The following LRRIQ3 variants were observed in gnomAD, a reference collection of about 807,000 sequenced individuals.
LRRIQ3 encodes leucine rich repeats and IQ motif containing 3.
Under a neutral mutation model 59.3 loss-of-function variants are expected in LRRIQ3, and 75 were observed. The observed-to-expected ratio is 1.26, with a 90% CI of 1.05 to 1.53. The LOEUF (loss-of-function observed/expected upper bound fraction) is 1.53, where lower values mean the gene tolerates loss of function less well. Among genes scored for constraint, LRRIQ3 ranks in the 40% most tolerant of loss-of-function variants. LRRIQ3 has a pLI of 0.00. For synonymous variants in LRRIQ3, 250 were observed against 231.3 expected, an observed-to-expected ratio of 1.08 and a Z score of -0.73; for missense variants, 831 against 710.0, an observed-to-expected ratio of 1.17 and a Z score of -1.94.
intron 6 of LRRIQ3, among the ~76,000 whole-genome samples, chr1:74,045,848 C>T (rs1486829171): frequency 6.6e-6 from 1 of 152,032 alleles, no homozygotes; most frequent in African/African-American, 2.4e-5. Flanking sequence ...GAGTGAACTC[C>T]CATTTACAAC....
intron 5 of LRRIQ3, among the ~76,000 whole-genome samples, chr1:74,092,504 T>C (rs1184849451): frequency 2.0e-5 from 3 of 152,008 alleles, no homozygotes; most frequent in Non-Finnish European, 2.9e-5. Flanking sequence ...ACCCTTGTTA[T>C]TATGGCTTCA....
intron 5 of LRRIQ3, chr1:74,081,974 T>C (rs891543007): frequency 6.6e-6 from 1 of 151,514 alleles, no homozygotes; most frequent in Non-Finnish European, 1.5e-5. Context: ...TATCTTGATA[T>C]TTCCGCACCA....
chr1:74,163,157 C>T (rs1299068409), intron 3 of LRRIQ3, among the ~76,000 whole-genome samples: 8 of 151,466 alleles, frequency 5.3e-5, no homozygotes, highest in African/African-American at 9.7e-5. Context: ...ATTTGGCACA[C>T]ATTTTCTCAG....
chr1:74,132,894 C>T (rs1320646978), intron 4 of LRRIQ3, among the ~76,000 whole-genome samples: 1 of 152,096 alleles, frequency 6.6e-6, no homozygotes, highest in African/African-American at 2.4e-5. Flanking sequence ...AACTTCTGCA[C>T]AGCAAAAGAA....
At chr1:74,129,039 C>G (rs1236047626) in intron 4 of LRRIQ3, among the ~76,000 whole-genome samples, 4 of 152,070 alleles carry the variant, frequency 2.6e-5, no homozygotes, top group Non-Finnish European at 5.9e-5. Context: ...ACCACTGGAA[C>G]TGTGCTAGGT....
chr1:74,162,347 A>G (rs1157250882), intron 3 of LRRIQ3, among the ~76,000 whole-genome samples: 1 of 151,862 alleles, frequency 6.6e-6, no homozygotes, highest in Admixed American at 6.6e-5. Flanking sequence ...AATGTTTTCA[A>G]TCCAATCAAA....
At chr1:74,106,963 C>T (rs1646623917) in intron 5 of LRRIQ3, among the ~76,000 whole-genome samples, 1 of 152,052 alleles carries the variant, frequency 6.6e-6, no homozygotes, top group South Asian at 2.1e-4. Context: ...TCCTCCATTT[C>T]TTCTATTCTG....
chr1:74,065,833 G>A (rs1202914945), intron 6 of LRRIQ3, among the ~76,000 whole-genome samples: 1 of 152,036 alleles, frequency 6.6e-6, no homozygotes, highest in Non-Finnish European at 1.5e-5. Flanking sequence ...CCCTTAAAAA[G>A]CTAAGTTCAG....
chr1:74,063,070 A>AAAACG (rs1297905536), intron 6 of LRRIQ3, among the ~76,000 whole-genome samples: 1 of 150,902 alleles, frequency 6.6e-6, no homozygotes, highest in East Asian at 2.0e-4. Flanking sequence ...AAAGCAAAAC[A>AAAACG]AAACAAAAAA....
At chr1:74,147,508 T>C (rs1647653409) in intron 4 of LRRIQ3, among the ~76,000 whole-genome samples, 1 of 152,220 alleles carries the variant, frequency 6.6e-6, no homozygotes, top group Non-Finnish European at 1.5e-5. Flanking sequence ...ATAATGATTT[T>C]ATGTCAAAAT....
At chr1:74,122,627 C>T (rs565740519) in intron 4 of LRRIQ3, among the ~76,000 whole-genome samples, 145 of 152,024 alleles carry the variant, frequency 9.5e-4, no homozygotes, top group African/African-American at 3.1e-3. Flanking sequence ...GCTAGCCATA[C>T]GTAGAAAGCT....
chr1:74,103,412 C>A (rs1236293501), intron 5 of LRRIQ3, among the ~76,000 whole-genome samples: 3 of 151,758 alleles, frequency 2.0e-5, no homozygotes, highest in Non-Finnish European at 2.9e-5. Flanking sequence ...TATACAATAA[C>A]AAAGGACAAT....
chr1:74,111,262 T>G (rs1316285288), intron 4 of LRRIQ3, among the ~76,000 whole-genome samples: 1 of 151,966 alleles, frequency 6.6e-6, no homozygotes, highest in South Asian at 2.1e-4. Context: ...TAGAGACAGA[T>G]AGTATATAAA....
chr1:74,027,672 A>G (rs1569986403), intron 7 of LRRIQ3, among the ~76,000 whole-genome samples: 1 of 152,052 alleles, frequency 6.6e-6, no homozygotes, highest in Non-Finnish European at 1.5e-5. Flanking sequence ...GTAGACTAAT[A>G]CCCTGCCAAA....
intron 4 of LRRIQ3, among the ~76,000 whole-genome samples, chr1:74,116,972 A>G (rs1300841830): frequency 2.0e-5 from 3 of 152,144 alleles, no homozygotes; most frequent in Non-Finnish European, 4.4e-5. Context: ...TAAAAAGGAA[A>G]TGATTAGTTA....
chr1:74,135,538 C>A (rs1371348110), intron 4 of LRRIQ3, among the ~76,000 whole-genome samples: 2 of 151,724 alleles, frequency 1.3e-5, no homozygotes, highest in Non-Finnish European at 2.9e-5. Flanking sequence ...TTGAAATCAA[C>A]AAAGTATGTT....
intron 5 of LRRIQ3, among the ~76,000 whole-genome samples, chr1:74,086,554 G>A (rs1369768977): frequency 6.6e-6 from 1 of 151,976 alleles, no homozygotes; most frequent in Non-Finnish European, 1.5e-5. Flanking sequence ...TTCTTCCTTA[G>A]TTTAACCTAT....
intron 6 of LRRIQ3, among the ~76,000 whole-genome samples, chr1:74,069,542 A>G (rs1654962056): frequency 6.6e-6 from 1 of 152,048 alleles, no homozygotes; most frequent in African/African-American, 2.4e-5. Flanking sequence ...AATAGCTTTA[A>G]TTTAAGTTAA....
At chr1:74,105,988 T>A (rs1646606969) in intron 5 of LRRIQ3, among the ~76,000 whole-genome samples, 1 of 151,994 alleles carries the variant, frequency 6.6e-6, no homozygotes, top group Non-Finnish European at 1.5e-5. Flanking sequence ...TAGAAGTGGT[T>A]CCGAGTAAGA....
Sources: gnomAD v4.1 joint callset for allele counts (sites outside exome capture counted in the v4.1 genomes callset) on GRCh38, gnomAD v4.1.1 for gene constraint, MANE v1.5 for transcripts, NCBI Gene and HGNC (gene_info 2026-07-23, HGNC 2026-07-21) for gene names.